The following PITPNC1 variants were observed in gnomAD, a reference collection of about 807,000 sequenced individuals.
PITPNC1 encodes the protein phosphatidylinositol transfer protein cytoplasmic 1, also known as cytoplasmic phosphatidylinositol transfer protein 1.
A neutral mutation model predicts 44.7 loss-of-function variants in PITPNC1; 18 were observed. That is an observed-to-expected ratio of 0.40 (90% CI 0.28 to 0.60). PITPNC1 has a LOEUF of 0.60. Ranked by LOEUF, PITPNC1 falls within the 20% of genes least tolerant of loss-of-function variation. The pLI is 0.39. For missense variants in PITPNC1, 290 were observed against 418.4 expected (o/e 0.69, Z 2.68); for synonymous variants, 141 against 149.6 (o/e 0.94, Z 0.42).
chr17:67,673,720 G>A (rs2042550580), intron 7 of PITPNC1, among the ~76,000 whole-genome samples: 1 of 151,490 alleles, frequency 6.6e-6, no homozygotes, highest in African/African-American at 2.4e-5. Context: ...GGAGGCCGAG[G>A]CAGGCAGATC....
In PITPNC1 at chr17:67,637,146, C is replaced by T. The variant is rs910806428; in HGVS notation, c.462+4908C>T. Among the ~76,000 whole-genome samples, 7 of 152,240 alleles carry T rather than the reference C, an allele frequency of 4.6e-5. No homozygotes were observed. In the East Asian group the frequency reaches 1.3e-3, roughly 29 times the overall value. On this transcript the variant is annotated intron_variant, in intron 6 of 8. Transcript: ENST00000581322. Reference sequence around the variant, plus strand: ...TGCCACAGCACCAGTGCTTAGCAGGCGCTCACTCAATGGTTGCTGAATGAA... The same window carrying T: ...TGCCACAGCACCAGTGCTTAGCAGGTGCTCACTCAATGGTTGCTGAATGAA...
chr17:67,440,496 CTTTTTA>C (rs1567990590), intron 1 of PITPNC1, among the ~76,000 whole-genome samples: 1 of 142,890 alleles, frequency 7.0e-6, no homozygotes, highest in African/African-American at 2.5e-5. Flanking sequence ...TCTTGCAAGA[CTTTTTA>C]TTTATTTATT....
intron 4 of PITPNC1, among the ~76,000 whole-genome samples, chr17:67,554,619 A>G (rs1303357673): frequency 6.6e-6 from 1 of 152,210 alleles, no homozygotes; most frequent in East Asian, 1.9e-4. Flanking sequence ...CCAAATAGCC[A>G]AAGGATAGAG....
At chr17:67,451,410 C>T (rs1207824138) in intron 1 of PITPNC1, among the ~76,000 whole-genome samples, 1 of 152,068 alleles carries the variant, frequency 6.6e-6, no homozygotes, top group African/African-American at 2.4e-5. Flanking sequence ...AACAAAAGCT[C>T]TTAAGTTTTA....
intron 1 of PITPNC1, among the ~76,000 whole-genome samples, chr17:67,496,301 G>A (rs1372318103): frequency 6.6e-6 from 1 of 152,138 alleles, no homozygotes; most frequent in African/African-American, 2.4e-5. Context: ...TTAACTACAA[G>A]TTCTTGTATG....
intron 1 of PITPNC1, among the ~76,000 whole-genome samples, chr17:67,469,002 T>TG (rs942460097): frequency 5.6e-4 from 85 of 152,296 alleles, no homozygotes; most frequent in African/African-American, 2.0e-3. Flanking sequence ...GTGTTGCAAT[T>TG]ACAGGAGTCA....
At chr17:67,387,609 T>C (rs958088868) in intron 1 of PITPNC1, among the ~76,000 whole-genome samples, 1 of 152,130 alleles carries the variant, frequency 6.6e-6, no homozygotes, top group East Asian at 1.9e-4. Context: ...GAAGTTGCAG[T>C]GAGCTGAGAT....
chr17:67,464,241 A>G (rs2039390694), intron 1 of PITPNC1, among the ~76,000 whole-genome samples: 1 of 152,118 alleles, frequency 6.6e-6, no homozygotes, highest in African/African-American at 2.4e-5. Context: ...AAGTAGAGAA[A>G]TAAGTATAGA....
chr17:67,562,496 A>G lies in PITPNC1; in HGVS notation c.294+8879A>G, dbSNP rs79340617. Among the ~76,000 whole-genome samples the G allele has an allele frequency of 2.8e-3, 426 of 152,156 alleles. 5 individuals carry two copies. The highest frequency in any genetic ancestry group is 9.9e-3 in the African/African-American group (412 of 41,486). ...ATTCATCCTCATCTCTATTATTTAC[A>G]TGCAATTCCTTTTCTTCCTTTCCTC... On this transcript the variant is annotated intron_variant, in intron 4 of 8. Coordinates refer to ENST00000581322, the MANE Select transcript of PITPNC1 (RefSeq NM_012417.4).
intron 5 of PITPNC1, among the ~76,000 whole-genome samples, chr17:67,599,016 ATATATATATATATATATATTTTTT>A (rs1168530888): frequency 2.9e-5 from 1 of 34,004 alleles, no homozygotes; most frequent in African/African-American, 1.5e-4. Context: ...ATATATATAT[ATATATATATATATATATATTTTTT>A]TTTTTTTTTT....
intron 6 of PITPNC1, among the ~76,000 whole-genome samples, chr17:67,643,616 G>T (rs992705299): frequency 6.6e-6 from 1 of 152,198 alleles, no homozygotes; most frequent in Non-Finnish European, 1.5e-5. Flanking sequence ...TGTGGTGAGG[G>T]CCCTGGCTCT....
chr17:67,596,613 C>T (rs573554652), intron 5 of PITPNC1, among the ~76,000 whole-genome samples: 59 of 151,936 alleles, frequency 3.9e-4, no homozygotes, highest in Non-Finnish European at 7.2e-4. Context: ...TAGGTTCAAT[C>T]GATTCTCCTG....
chr17:67,412,828 A>G (rs113688057), intron 1 of PITPNC1, among the ~76,000 whole-genome samples: 11,207 of 152,258 alleles, frequency 0.074, 473 homozygotes, highest in East Asian at 0.15. Context: ...GGCCTCCCAA[A>G]GTGTTGGGAT....
intron 1 of PITPNC1, among the ~76,000 whole-genome samples, chr17:67,395,170 CTTTT>C (rs902427835): frequency 7.1e-6 from 1 of 140,974 alleles, no homozygotes; most frequent in Non-Finnish European, 1.6e-5. Context: ...CAGGTTTTTT[CTTTT>C]TTTTTTTTTT....
intron 1 of PITPNC1, among the ~76,000 whole-genome samples, chr17:67,491,295 G>A (rs2039861685): frequency 2.0e-5 from 3 of 152,228 alleles, no homozygotes; most frequent in Admixed American, 1.3e-4. Flanking sequence ...AGGACCGTGC[G>A]TGATGTAACC....
At chr17:67,474,905 C>T (rs1341338018) in intron 1 of PITPNC1, among the ~76,000 whole-genome samples, 1 of 152,100 alleles carries the variant, frequency 6.6e-6, no homozygotes, top group African/African-American at 2.4e-5. Context: ...CCTCCTACCT[C>T]AGCCTCCCAA....
intron 5 of PITPNC1, among the ~76,000 whole-genome samples, chr17:67,595,456 T>C (rs1393708764): frequency 6.6e-5 from 10 of 152,108 alleles, no homozygotes; most frequent in Non-Finnish European, 1.3e-4. Context: ...ATTTTAGTTT[T>C]TTTTTTTTTT....
intron 2 of PITPNC1, 75 bp downstream of exon 2, chr17:67,533,025 G>A: frequency 8.5e-7 from 1 of 1,178,928 alleles, no homozygotes; most frequent in Non-Finnish European, 1.2e-6. Flanking sequence ...TGGAGGCAGT[G>A]GGTGTCTGGG....
At chr17:67,428,601 G>C (rs7223424) in intron 1 of PITPNC1, among the ~76,000 whole-genome samples, 1 of 151,284 alleles carries the variant, frequency 6.6e-6, no homozygotes, top group Non-Finnish European at 1.5e-5. Context: ...GTGACCTGCG[G>C]GTAATGAGAT....
Sources: allele counts gnomAD v4.1 joint callset (sites outside exome capture counted in the v4.1 genomes callset), GRCh38; gene constraint gnomAD v4.1.1; transcripts MANE v1.5; gene names NCBI Gene and HGNC (gene_info 2026-07-23, HGNC 2026-07-21).